MOB3B: variants seen among roughly 807,000 people sequenced by gnomAD.
The protein encoded by MOB3B is MOB kinase activator 3B, also known as MOB kinase activator-like 2B.
A neutral mutation model predicts 18.7 loss-of-function variants in MOB3B; 7 were observed. The observed-to-expected ratio is 0.37, with a 90% confidence interval of 0.21 to 0.70. The LOEUF is 0.70. MOB3B is among the 30% of genes least tolerant of loss of function. The pLI is 0.52. For missense variants in MOB3B, 253 were observed against 281.3 expected (o/e 0.90, Z 0.72); for synonymous variants, 111 against 99.9 (o/e 1.11, Z -0.66).
chr9:27,432,757 T>A (rs1443886614), intron 2 of MOB3B, among the ~76,000 whole-genome samples: 2 of 152,214 alleles, frequency 1.3e-5, no homozygotes, highest in Non-Finnish European at 2.9e-5. Context: ...GGGCTATGCA[T>A]TTTAATCAGT....
At chr9:27,376,511 G>T (rs1271377471) in intron 2 of MOB3B, among the ~76,000 whole-genome samples, 1 of 152,180 alleles carries the variant, frequency 6.6e-6, no homozygotes, top group Non-Finnish European at 1.5e-5. Flanking sequence ...AAGAACCAAA[G>T]CTATAAAAAG....
intron 1 of MOB3B, among the ~76,000 whole-genome samples, chr9:27,465,991 C>G (rs1715045430): frequency 6.6e-6 from 1 of 152,196 alleles, no homozygotes; most frequent in South Asian, 2.1e-4. Context: ...GAGACATTTT[C>G]CCCATGGTCT....
chr9:27,488,094 T>G (rs17779457), intron 1 of MOB3B, among the ~76,000 whole-genome samples: 37,605 of 152,092 alleles, frequency 0.25, 4,819 homozygotes, highest in East Asian at 0.34. Context: ...TGTTTCAGCC[T>G]CAAACCTGCC....
At chr9:27,335,509 T>C (rs772956435) in intron 3 of MOB3B, among the ~76,000 whole-genome samples, 1 of 152,206 alleles carries the variant, frequency 6.6e-6, no homozygotes, top group Non-Finnish European at 1.5e-5. Flanking sequence ...CTCATGATGC[T>C]CCTAAACTCC....
chr9:27,364,178 C>G (rs1189920096), intron 2 of MOB3B, among the ~76,000 whole-genome samples: 1 of 152,188 alleles, frequency 6.6e-6, no homozygotes, highest in African/African-American at 2.4e-5. Context: ...ACTTGGCTAG[C>G]TACAATGGCA....
At chr9:27,490,890 A>G (rs1819806235) in intron 1 of MOB3B, among the ~76,000 whole-genome samples, 1 of 152,204 alleles carries the variant, frequency 6.6e-6, no homozygotes. Flanking sequence ...AGCCCAGAAA[A>G]GCAAATTCGA....
intron 1 of MOB3B, among the ~76,000 whole-genome samples, chr9:27,456,080 C>T (rs1347301929): frequency 6.6e-6 from 1 of 152,122 alleles, no homozygotes; most frequent in Non-Finnish European, 1.5e-5. Context: ...CCCACGTGTG[C>T]TAGCTTTTAG....
chr9:27,376,431 T>C (rs113915463), intron 2 of MOB3B, among the ~76,000 whole-genome samples: 1 of 152,362 alleles, frequency 6.6e-6, no homozygotes, highest in African/African-American at 2.4e-5. Flanking sequence ...GCAGTGTTGG[T>C]ACCCGTTGCA....
intron 2 of MOB3B, among the ~76,000 whole-genome samples, chr9:27,389,021 TA>T (rs1207615103): frequency 6.6e-6 from 1 of 152,182 alleles, no homozygotes; most frequent in Non-Finnish European, 1.5e-5. Context: ...ATGGTCTGAG[TA>T]ATCATTTTAA....
chr9:27,517,909 T>G (rs896710239), intron 1 of MOB3B, among the ~76,000 whole-genome samples: 3 of 152,074 alleles, frequency 2.0e-5, no homozygotes, highest in Non-Finnish European at 2.9e-5. Context: ...ATTCCAAGCT[T>G]CTTCTCAGGC....
intron 2 of MOB3B, among the ~76,000 whole-genome samples, chr9:27,413,312 G>A (rs10967929): frequency 1.8e-4 from 28 of 152,014 alleles, no homozygotes; most frequent in African/African-American, 5.8e-4. Flanking sequence ...TTTCATTCTC[G>A]TTACTGAAAT....
chr9:27,335,190 TA>T (rs1233807233), intron 3 of MOB3B, among the ~76,000 whole-genome samples: 4 of 152,196 alleles, frequency 2.6e-5, no homozygotes, highest in Non-Finnish European at 5.9e-5. Flanking sequence ...ACAGCAATTT[TA>T]ATAAGTTAAC....
chr9:27,481,951 A>T (rs1819664439), intron 1 of MOB3B, among the ~76,000 whole-genome samples: 6 of 151,874 alleles, frequency 4.0e-5, no homozygotes, highest in South Asian at 2.1e-4. Flanking sequence ...TCAGCCATGA[A>T]TTTTTTTTTA....
In MOB3B at chr9:27,362,979, C is replaced by A. The variant is rs562572284; in HGVS notation, c.419-3743G>T. On this transcript the variant is annotated intron_variant, in intron 2 of 3. Coordinates refer to ENST00000262244, the MANE Select transcript of MOB3B (RefSeq NM_024761.5). ...CGGATGTCCACCCCTTCTGCAGACT[C>A]TGGAACTTTCTCATTCTATGTAACT... 2.6e-5 allele frequency among the ~76,000 whole-genome samples: 4 copies of A among 152,306 alleles called. No homozygotes were observed. In the East Asian group the frequency reaches 7.7e-4, roughly 29 times the overall value.
chr9:27,392,633 C>G (rs747367701), intron 2 of MOB3B, among the ~76,000 whole-genome samples: 2 of 152,094 alleles, frequency 1.3e-5, no homozygotes, highest in African/African-American at 4.8e-5. Flanking sequence ...GGAATAAAGA[C>G]GAGCCATTTG....
At chr9:27,410,076 G>T (rs1459771342) in intron 2 of MOB3B, among the ~76,000 whole-genome samples, 3 of 152,132 alleles carry the variant, frequency 2.0e-5, no homozygotes, top group Non-Finnish European at 2.9e-5. Context: ...GGTGAAAATG[G>T]TAAGTTTTAT....
chr9:27,356,056 C>G (rs1033393497), intron 3 of MOB3B, among the ~76,000 whole-genome samples: 4 of 152,164 alleles, frequency 2.6e-5, no homozygotes, highest in Admixed American at 2.0e-4. Flanking sequence ...ACTGCATGTG[C>G]TAAGTATCCA....
chr9:27,440,225 G>A (rs894792043), intron 2 of MOB3B, among the ~76,000 whole-genome samples: 6 of 152,134 alleles, frequency 3.9e-5, no homozygotes, highest in African/African-American at 1.4e-4. Flanking sequence ...GAAGCAATGT[G>A]GCCATGTCTC....
intron 3 of MOB3B, among the ~76,000 whole-genome samples, chr9:27,355,443 A>G (rs1397940993): frequency 1.3e-5 from 2 of 152,244 alleles, no homozygotes; most frequent in African/African-American, 4.8e-5. Context: ...TAGAATGTGA[A>G]GCCAAATGCC....
Sources: gnomAD v4.1 joint callset for allele counts (sites outside exome capture counted in the v4.1 genomes callset) on GRCh38, gnomAD v4.1.1 for gene constraint, MANE v1.5 for transcripts, NCBI Gene and HGNC (gene_info 2026-07-23, HGNC 2026-07-21) for gene names.